Variants in MYO16 observed in about 807,000 individuals in gnomAD.
The protein encoded by MYO16 is unconventional myosin-XVI.
Under a neutral mutation model 205.3 loss-of-function variants are expected in MYO16, and 94 were observed. The ratio of observed to expected loss-of-function variants is 0.46; its 90% CI spans 0.39 to 0.54. The LOEUF (loss-of-function observed/expected upper bound fraction) is 0.54. Ranked by LOEUF, MYO16 falls within the 20% of genes least tolerant of loss-of-function variation. The pLI, the probability that MYO16 is intolerant of heterozygous loss-of-function variation, is 0.00. For missense variants in MYO16, 2,315 were observed against 2,387.5 expected (o/e 0.97, Z 0.63); for synonymous variants, 988 against 954.0 (o/e 1.04, Z -0.66).
At chr13:108,879,398 A>G (rs907069872) in intron 12 of MYO16, among the ~76,000 whole-genome samples, 7 of 152,204 alleles carry the variant, frequency 4.6e-5, no homozygotes, top group African/African-American at 1.4e-4. Context: ...GTTCTAGGGT[A>G]CATGTGCACA....
At chr13:108,804,426 A>T (rs563151329) in intron 6 of MYO16, among the ~76,000 whole-genome samples, 1 of 152,344 alleles carries the variant, frequency 6.6e-6, no homozygotes, top group East Asian at 1.9e-4. Flanking sequence ...ACACTGTTGC[A>T]GTTGGGCACC....
In MYO16 at chr13:109,141,217, G is replaced by A; in HGVS notation, c.5005G>A (p.Ala1669Thr). Reference sequence around the variant, plus strand: ...CCCCGTGAAGGCCACCAGGGCGGACGCCAGGAAGGCCGGCTCCAGTGCCTC... The same window carrying A: ...CCCCGTGAAGGCCACCAGGGCGGACACCAGGAAGGCCGGCTCCAGTGCCTC... ...YSPVKATRADARKAGSSASPP... is the reference protein window; with the variant it reads ...YSPVKATRADTRKAGSSASPP... Residue 1669 changes from alanine to threonine, a missense_variant, in exon 32 of 35, where the codon GCC (alanine) becomes ACC (threonine). This residue lies in a region of MYO16 where 1,097 missense variants were observed against 1,092.0 expected (regional missense o/e 1.00). Coordinates refer to ENST00000457511, the MANE Select transcript of MYO16 (RefSeq NM_001198950.3). The surrounding 1 kb of genome is among the most constrained non-coding windows in gnomAD (Gnocchi z 4.1). The A allele has an allele frequency of 6.2e-7, 1 of 1,606,212 alleles. No individual in the cohort carries two copies. The highest frequency in any genetic ancestry group is 8.5e-7 in the Non-Finnish European group (1 of 1,176,388).
intron 7 of MYO16, among the ~76,000 whole-genome samples, chr13:108,813,824 T>G (rs1887368067): frequency 6.6e-6 from 1 of 152,190 alleles, no homozygotes; most frequent in African/African-American, 2.4e-5. Context: ...TGCTCACATT[T>G]TAAGTAATTT....
At chr13:108,522,684 T>G in the MYO16 span, among the ~76,000 whole-genome samples, 3,668 of 152,260 alleles carry the variant, frequency 0.024, 127 homozygotes, top group South Asian at 0.091. Flanking sequence ...TTCTGGTGAC[T>G]GCCTGGCAAT....
At chr13:108,887,078 G>T (rs1370544225) in intron 13 of MYO16, among the ~76,000 whole-genome samples, 1 of 152,098 alleles carries the variant, frequency 6.6e-6, no homozygotes, top group Non-Finnish European at 1.5e-5. Flanking sequence ...GTCCCAGAAC[G>T]AGCACTTACA....
chr13:109,112,114 T>TATAAA (rs1889306172), intron 28 of MYO16, among the ~76,000 whole-genome samples: 1 of 152,200 alleles, frequency 6.6e-6, no homozygotes, highest in Non-Finnish European at 1.5e-5. Context: ...AGGTTCACAT[T>TATAAA]GGTTTTCTGC....
At chr13:108,697,765 C>T (rs1299743790) in intron 2 of MYO16, among the ~76,000 whole-genome samples, 1 of 151,886 alleles carries the variant, frequency 6.6e-6, no homozygotes, top group Non-Finnish European at 1.5e-5. Context: ...CTTTGTCACC[C>T]AGGCTGGAGT....
intron 6 of MYO16, among the ~76,000 whole-genome samples, chr13:108,798,687 T>TA (rs1886867020): frequency 1.9e-5 from 2 of 107,382 alleles, no homozygotes; most frequent in African/African-American, 3.3e-5. Flanking sequence ...CCCCGAGGCT[T>TA]ATTTTTTTTT....
intron 4 of MYO16, among the ~76,000 whole-genome samples, chr13:108,738,791 T>C (rs545934326): frequency 2.6e-5 from 4 of 152,298 alleles, no homozygotes; most frequent in Admixed American, 1.3e-4. Context: ...TATAAGTCTC[T>C]AAGGACTTGC....
intron 16 of MYO16, among the ~76,000 whole-genome samples, chr13:108,942,548 ATAAT>A (rs1249728186): frequency 1.3e-5 from 2 of 152,228 alleles, no homozygotes; most frequent in Admixed American, 6.5e-5. Flanking sequence ...CTCTGAATTA[ATAAT>A]TAAATGATCA....
At chr13:109,049,772 A>T (rs946580198) in intron 24 of MYO16, among the ~76,000 whole-genome samples, 3 of 151,990 alleles carry the variant, frequency 2.0e-5, no homozygotes, top group African/African-American at 7.3e-5. Flanking sequence ...TTTTATTTTG[A>T]AGTGGTTTTA....
At chr13:108,808,164 T>C (rs1219666032) in intron 7 of MYO16, among the ~76,000 whole-genome samples, 2 of 152,100 alleles carry the variant, frequency 1.3e-5, no homozygotes, top group African/African-American at 4.8e-5. Context: ...CAGATGAAGC[T>C]ACTGACCTTT....
the MYO16 span, among the ~76,000 whole-genome samples, chr13:108,589,158 T>C: frequency 6.6e-6 from 1 of 152,204 alleles, no homozygotes. Flanking sequence ...GCTGGAATAA[T>C]TTTTAATACC....
intron 2 of MYO16, among the ~76,000 whole-genome samples, chr13:108,676,838 G>A (rs1367617283): frequency 2.6e-5 from 4 of 152,056 alleles, no homozygotes; most frequent in African/African-American, 9.7e-5. Flanking sequence ...TTGCTCCAGG[G>A]ATTCCCCAAC....
intron 2 of MYO16, among the ~76,000 whole-genome samples, chr13:108,672,352 A>T (rs950441261): frequency 1.3e-5 from 2 of 152,200 alleles, no homozygotes; most frequent in African/African-American, 4.8e-5. Context: ...TTCCATTTAA[A>T]TTATTGTTTA....
the MYO16 span, among the ~76,000 whole-genome samples, chr13:108,543,311 G>A: frequency 2.3e-3 from 347 of 152,214 alleles, 2 homozygotes; most frequent in African/African-American, 7.8e-3. Context: ...CATATTTTAA[G>A]GATAATATAC....
In MYO16 at chr13:108,883,078, G is replaced by C; in HGVS notation, c.1445G>C (p.Ser482Thr). 3 of 1,613,918 alleles carry C rather than the reference G, an allele frequency of 1.9e-6. No homozygotes were observed. Among genetic ancestry groups the C allele is most frequent in the Non-Finnish European group, 2.5e-6 (3 of 1,179,868 alleles). ...TTCCAGGTGTCCCAGCTGTATTTCA[G>C]CTCCTCAGGGAAGCTGTGTTCCTCG... ...YSSMVSQLYF[S>T]SSGKLCSSLP... The change falls in exon 13 of 35, where the codon AGC becomes ACC. Residue 482 changes from serine to threonine, a missense_variant. Physicochemically the swap from Ser to Thr is moderately conservative, Grantham distance 58. Transcript: ENST00000457511.
intron 27 of MYO16, among the ~76,000 whole-genome samples, chr13:109,088,049 A>C (rs1888494530): frequency 6.6e-6 from 1 of 152,214 alleles, no homozygotes; most frequent in Admixed American, 6.5e-5. Flanking sequence ...GGCTGGGCTC[A>C]GTGTCCTCCT....
intron 17 of MYO16, among the ~76,000 whole-genome samples, chr13:108,960,498 T>C (rs1290337896): frequency 6.6e-6 from 1 of 152,164 alleles, no homozygotes; most frequent in African/African-American, 2.4e-5. Context: ...TTAAAATTGG[T>C]AAAATCATAC....
Sources: allele counts gnomAD v4.1 joint callset (sites outside exome capture counted in the v4.1 genomes callset), GRCh38; gene constraint gnomAD v4.1.1; regional missense constraint gnomAD v4.1.1; non-coding constraint Gnocchi (gnomAD v3.1); transcripts MANE v1.5; gene names NCBI Gene and HGNC (gene_info 2026-07-23, HGNC 2026-07-21).